Variants in DGKH observed in about 807,000 individuals in gnomAD.
DGKH encodes DAG kinase eta.
A neutral mutation model predicts 159.3 loss-of-function variants in DGKH; 90 were observed. That is an observed-to-expected ratio of 0.57 (90% CI 0.48 to 0.67). The LOEUF (loss-of-function observed/expected upper bound fraction) is 0.67, where lower values mean the gene tolerates loss of function less well. Ranked by LOEUF, DGKH falls within the 30% of genes least tolerant of loss-of-function variation. DGKH has a pLI of 0.00. For missense variants in DGKH, 1,181 were observed against 1,506.1 expected, an observed-to-expected ratio of 0.78 and a Z score of 3.57; for synonymous variants, 536 against 553.8, an observed-to-expected ratio of 0.97 and a Z score of 0.45.
intron 1 of DGKH, among the ~76,000 whole-genome samples, chr13:42,093,306 A>G (rs1009146701): frequency 3.3e-5 from 5 of 152,180 alleles, no homozygotes; most frequent in Admixed American, 2.6e-4. Context: ...CAAAACTACG[A>G]TGAGATACCA....
rs2138198224 is a variant in DGKH at position 42,209,472 on chromosome 13, A to T, written c.2850+7A>T. On this transcript the variant is annotated splice_region_variant and intron_variant, in intron 23 of 29. Transcript: ENST00000337343. ...AATGCTAACAAGGGACAGAGTATGT[A>T]ACAAAAACATTCTTCTAGAATATTG... The T allele has an allele frequency of 6.3e-7, 1 of 1,581,574 alleles. No homozygotes were observed. The highest frequency in any genetic ancestry group is 8.6e-7 in the Non-Finnish European group (1 of 1,168,422).
chr13:42,186,043 GTGTGTGTA>G lies in DGKH; in HGVS notation c.1539-1002_1539-995del, dbSNP rs879606497. 1.0e-3 allele frequency among the ~76,000 whole-genome samples: 149 copies of G among 146,372 alleles called. 1 individual carries two copies. The highest frequency in any genetic ancestry group is 1.6e-3 in the Non-Finnish European group (105 of 64,918). On this transcript the variant is annotated intron_variant, in intron 13 of 29. Transcript: ENST00000337343. ...TGTGTGTGTGTGTGTGTGTGTGTGT[GTGTGTGTA>G]TGTCCTGTGTCTATTGAATTGCTCA...
intron 21 of DGKH, 108 bp from the exon 22 acceptor site, chr13:42,208,851 A>G (rs1240468286): frequency 6.2e-6 from 2 of 320,354 alleles, no homozygotes; most frequent in East Asian, 7.4e-5. Context: ...TTACTTAAAT[A>G]TATTATTAAA....
intron 1 of DGKH, among the ~76,000 whole-genome samples, chr13:42,054,913 T>C (rs1485565964): frequency 6.6e-6 from 1 of 152,232 alleles, no homozygotes; most frequent in Admixed American, 6.5e-5. Context: ...TTACTCTACT[T>C]TGTCATTGTA....
At position 42,235,065 on chromosome 13, in the gene DGKH, A is replaced by C. The variant is rs1346584770; in HGVS notation, c.*5877A>C. The C allele has an allele frequency of 6.6e-6, 1 of 152,242 alleles. No homozygotes were observed. The highest frequency in any genetic ancestry group is 2.4e-5 in the African/African-American group (1 of 41,466). 9.4% of individuals were successfully genotyped at this position (152,242 alleles called of 1,614,324 possible). A position where few individuals can be genotyped will look rare whatever the true frequency, so the allele number is the denominator to read the frequency against. ...ATCATTGTAGAGAACAGAGAGATCA[A>C]AGACAGCTGGACTGTACCTGTTTGT... On this transcript the variant is annotated 3_prime_UTR_variant, in exon 30 of 30. Transcript: ENST00000337343.
chr13:42,256,552 T>C, exon 31 of DGKH: 1 of 728,032 alleles, frequency 1.4e-6, no homozygotes, highest in Non-Finnish European at 2.5e-6. Context: ...AAATTTATAA[T>C]GAAAATAAAC....
intron 14 of DGKH, among the ~76,000 whole-genome samples, chr13:42,187,493 C>T (rs749549624): frequency 1.3e-4 from 20 of 152,138 alleles, no homozygotes; most frequent in Non-Finnish European, 2.6e-4. Context: ...TCTCCTGTCT[C>T]AGCCCCCCAA....
intron 30 of DGKH, among the ~76,000 whole-genome samples, chr13:42,255,309 T>TA (rs1167758252): frequency 2.0e-5 from 3 of 152,080 alleles, no homozygotes; most frequent in Admixed American, 6.6e-5. Flanking sequence ...AGAATTTTTT[T>TA]AAAAAACCAA....
chr13:42,051,646 C>CTTTTTTT (rs56413015), intron 1 of DGKH, among the ~76,000 whole-genome samples: 8 of 50,182 alleles, frequency 1.6e-4, no homozygotes, highest in African/African-American at 6.1e-4. Flanking sequence ...TCAAAGCCAT[C>CTTTTTTT]TTTTTTTTTT....
upstream of DGKH, among the ~76,000 whole-genome samples, chr13:42,048,503 C>A (rs1482344341): frequency 2.0e-5 from 3 of 152,158 alleles, no homozygotes; most frequent in Non-Finnish European, 2.9e-5. This position sits in a 1 kb window ranked among gnomAD's most constrained non-coding sequence, Gnocchi z 6.7. Context: ...AGGCTGGGTG[C>A]GCAGGGGTCC....
intron 7 of DGKH, among the ~76,000 whole-genome samples, chr13:42,163,844 T>G (rs1048993473): frequency 6.6e-6 from 1 of 152,106 alleles, no homozygotes; most frequent in African/African-American, 2.4e-5. Context: ...TTTCTTTTGC[T>G]GTGCAGAAGC....
intron 1 of DGKH, among the ~76,000 whole-genome samples, chr13:42,071,886 G>A (rs1355329007): frequency 6.6e-6 from 1 of 152,166 alleles, no homozygotes; most frequent in Non-Finnish European, 1.5e-5. Flanking sequence ...GGCCATGTTG[G>A]TTTAATTTAA....
rs905675559 is a variant in DGKH at position 42,150,651 on chromosome 13, G to T, written c.385-4640G>T. 2.0e-5 allele frequency among the ~76,000 whole-genome samples: 3 copies of T among 152,132 alleles called. No homozygotes were observed. The East Asian group carries it at 5.8e-4, about 29-fold the overall frequency. The stretch of plus-strand genomic sequence containing the variant: ...TAATTATTAGTTCTTTTGGTTGTTT[G>T]TAACCATAGATATTAATTGATATTA... On this transcript the variant is annotated intron_variant, in intron 3 of 29. Transcript: ENST00000337343.
intron 1 of DGKH, among the ~76,000 whole-genome samples, chr13:42,041,947 A>G (rs1163398520): frequency 2.0e-5 from 3 of 152,170 alleles, no homozygotes; most frequent in Non-Finnish European, 2.9e-5. Context: ...GTCAGGTGCC[A>G]GGGTTGGCTG....
At chr13:42,066,454 C>T (rs1882582813) in intron 1 of DGKH, 1 of 152,208 alleles carries the variant, frequency 6.6e-6, no homozygotes. Context: ...AACACCACCA[C>T]ATTTAGCATA....
intron 20 of DGKH, among the ~76,000 whole-genome samples, chr13:42,201,097 A>G (rs1396380955): frequency 3.3e-5 from 5 of 151,944 alleles, no homozygotes; most frequent in Non-Finnish European, 7.4e-5. Flanking sequence ...GGTTCAAGCG[A>G]TTCTTCTGCC....
intron 3 of DGKH, among the ~76,000 whole-genome samples, chr13:42,154,480 C>T (rs1378690584): frequency 6.6e-6 from 1 of 152,144 alleles, no homozygotes; most frequent in Non-Finnish European, 1.5e-5. Flanking sequence ...GTGAAGTTTT[C>T]ATTCCACTTG....
At chr13:42,065,307 A>G (rs142575728) in intron 1 of DGKH, among the ~76,000 whole-genome samples, 9 of 152,356 alleles carry the variant, frequency 5.9e-5, no homozygotes, top group African/African-American at 1.9e-4. Flanking sequence ...TCATAGATCT[A>G]GCTAAGATTC....
intron 20 of DGKH, among the ~76,000 whole-genome samples, chr13:42,202,166 T>C (rs1957363067): frequency 6.6e-6 from 1 of 152,204 alleles, no homozygotes; most frequent in Non-Finnish European, 1.5e-5. Context: ...GAAAACATGT[T>C]AATATACATA....
Sources: gnomAD v4.1 joint callset for allele counts (sites outside exome capture counted in the v4.1 genomes callset) on GRCh38, gnomAD v4.1.1 for gene constraint, Gnocchi (gnomAD v3.1) non-coding constraint, MANE v1.5 for transcripts, NCBI Gene and HGNC (gene_info 2026-07-23, HGNC 2026-07-21) for gene names.